The following CNTN5 variants were observed in gnomAD, a reference collection of about 807,000 sequenced individuals.
CNTN5 encodes the protein contactin 5.
CNTN5 carries 77 observed loss-of-function variants against 129.1 expected under a neutral mutation model. The ratio of observed to expected loss-of-function variants is 0.60; its 90% CI spans 0.50 to 0.72. CNTN5 has a LOEUF of 0.72. Ranked by LOEUF, CNTN5 falls within the 30% of genes least tolerant of loss-of-function variation. CNTN5 has a pLI of 0.00. For missense variants in CNTN5, 1,478 were observed against 1,328.8 expected (o/e 1.11, Z -1.75); for synonymous variants, 509 against 465.6 (o/e 1.09, Z -1.20).
At chr11:99,110,113 C>G (rs1489889624) in intron 1 of CNTN5, among the ~76,000 whole-genome samples, 1 of 152,076 alleles carries the variant, frequency 6.6e-6, no homozygotes, top group East Asian at 1.9e-4. Flanking sequence ...GTGCACAGAG[C>G]TTGCCATGAC....
intron 3 of CNTN5, among the ~76,000 whole-genome samples, chr11:99,813,673 A>G (rs1946497142): frequency 6.6e-6 from 1 of 152,158 alleles, no homozygotes. Flanking sequence ...GTGTGCCAAC[A>G]TTGAGGAGAC....
intron 9 of CNTN5, among the ~76,000 whole-genome samples, chr11:100,010,857 C>T (rs1233071114): frequency 6.6e-6 from 1 of 152,082 alleles, no homozygotes; most frequent in African/African-American, 2.4e-5. Context: ...TTCAGTAAGG[C>T]TTACGTCAAA....
intron 3 of CNTN5, among the ~76,000 whole-genome samples, chr11:99,652,858 C>G (rs1482320185): frequency 6.6e-6 from 1 of 152,010 alleles, no homozygotes; most frequent in African/African-American, 2.4e-5. Context: ...TAAACAATCT[C>G]TAACCCTGAA....
intron 6 of CNTN5, among the ~76,000 whole-genome samples, chr11:99,850,508 C>A (rs181765878): frequency 1.5e-4 from 23 of 152,202 alleles, no homozygotes; most frequent in Admixed American, 4.6e-4. Context: ...AGTTTCATTT[C>A]TATTCATTTG....
intron 3 of CNTN5, among the ~76,000 whole-genome samples, chr11:99,700,261 T>A (rs1591498413): frequency 1.3e-5 from 2 of 151,498 alleles, no homozygotes; most frequent in Admixed American, 1.3e-4. Flanking sequence ...AGTAATCTCT[T>A]AAAGTAGAGT....
chr11:99,477,643 T>A (rs1017753970), intron 2 of CNTN5, among the ~76,000 whole-genome samples: 3 of 151,606 alleles, frequency 2.0e-5, no homozygotes, highest in Non-Finnish European at 2.9e-5. Flanking sequence ...AAAATAAAAA[T>A]AATAACCCTT....
intron 3 of CNTN5, among the ~76,000 whole-genome samples, chr11:99,620,027 A>AAAAAAAAAAAAACAAAAAG (rs1555049924): frequency 7.7e-6 from 1 of 129,046 alleles, no homozygotes; most frequent in Admixed American, 8.9e-5. Context: ...CTCCGTCTCA[A>AAAAAAAAAAAAACAAAAAG]AAAAAAAAAA....
chr11:100,039,873 A>C (rs1942270271), intron 9 of CNTN5, among the ~76,000 whole-genome samples: 1 of 151,562 alleles, frequency 6.6e-6, no homozygotes, highest in Non-Finnish European at 1.5e-5. Context: ...CATTCATCTA[A>C]CTTTTTTTCA....
At chr11:99,136,445 A>G (rs891163478) in intron 1 of CNTN5, among the ~76,000 whole-genome samples, 3 of 152,142 alleles carry the variant, frequency 2.0e-5, no homozygotes, top group African/African-American at 7.2e-5. Flanking sequence ...TATTAATAGC[A>G]CCAATTCCAT....
At chr11:99,724,358 G>C (rs1022374573) in intron 3 of CNTN5, among the ~76,000 whole-genome samples, 1 of 152,072 alleles carries the variant, frequency 6.6e-6, no homozygotes, top group African/African-American at 2.4e-5. Flanking sequence ...CATGTCTCAA[G>C]TTCTTCCAGA....
At chr11:99,995,108 A>G (rs1009532147) in intron 8 of CNTN5, among the ~76,000 whole-genome samples, 2 of 152,188 alleles carry the variant, frequency 1.3e-5, no homozygotes, top group African/African-American at 4.8e-5. Context: ...CAAATTTTAG[A>G]CTGGAAAGTA....
rs151231568 is a variant in CNTN5 at position 99,342,984 on chromosome 11, A to G, written c.-71+17500A>G. Among the ~76,000 whole-genome samples, 479 of 152,298 alleles carry G rather than the reference A, an allele frequency of 3.1e-3. 1 individual carries two copies. Among genetic ancestry groups the G allele is most frequent in the African/African-American group, 0.011 (471 of 41,574 alleles). Reference sequence around the variant, plus strand: ...TACAAAACAAAAAACAAAACAAAACAAAACAAAAGACAAAATTTTGTAAAG... The same window carrying G: ...TACAAAACAAAAAACAAAACAAAACGAAACAAAAGACAAAATTTTGTAAAG... On this transcript the variant is annotated intron_variant, in intron 2 of 24. Coordinates refer to ENST00000524871, the MANE Select transcript of CNTN5 (RefSeq NM_014361.4).
chr11:100,260,727 G>C (rs192122401), intron 17 of CNTN5, among the ~76,000 whole-genome samples: 109 of 152,156 alleles, frequency 7.2e-4, no homozygotes, highest in African/African-American at 1.9e-3. Flanking sequence ...CAGAAAAGGA[G>C]TTTAATAAAA....
At chr11:99,323,282 G>A (rs1003518511) in intron 1 of CNTN5, among the ~76,000 whole-genome samples, 11 of 152,116 alleles carry the variant, frequency 7.2e-5, no homozygotes, top group Admixed American at 7.2e-4. Context: ...GACTCTGACT[G>A]CAAATGAAGT....
chr11:99,429,823 A>G (rs1289082537), intron 2 of CNTN5, among the ~76,000 whole-genome samples: 2 of 152,062 alleles, frequency 1.3e-5, no homozygotes, highest in Non-Finnish European at 2.9e-5. Context: ...TTCTTATTTT[A>G]AACACACTGA....
At chr11:99,442,716 T>A (rs1286310324) in intron 2 of CNTN5, among the ~76,000 whole-genome samples, 1 of 152,246 alleles carries the variant, frequency 6.6e-6, no homozygotes, top group Non-Finnish European at 1.5e-5. Flanking sequence ...ATGCTTTAGT[T>A]TCTTTCCCAA....
In CNTN5 at chr11:99,625,913, T is replaced by C. The variant is rs1951111315; in HGVS notation, c.55+69644T>C. On this transcript the variant is annotated intron_variant, in intron 3 of 24. Transcript: ENST00000524871. ...ATAAGGGCAAGATTATATATATATA[T>C]ATATATATATACACACACACACACA... is the stretch of plus-strand genomic sequence containing the variant. Among the ~76,000 whole-genome samples, 4 of 31,738 alleles carry C rather than the reference T, an allele frequency of 1.3e-4. No individual in the cohort carries two copies. In the Admixed American group the frequency reaches 2.1e-3, roughly 17 times the overall value. 20.8% of individuals were successfully genotyped at this position (31,738 alleles called of 152,430 possible).
chr11:99,539,388 G>A (rs897006142), intron 2 of CNTN5, among the ~76,000 whole-genome samples: 1 of 151,844 alleles, frequency 6.6e-6, no homozygotes, highest in African/African-American at 2.4e-5. Flanking sequence ...TTCTCCACAT[G>A]ACCCAAATTA....
intron 1 of CNTN5, among the ~76,000 whole-genome samples, chr11:99,104,249 C>T (rs562371402): frequency 6.6e-6 from 1 of 152,162 alleles, no homozygotes; most frequent in South Asian, 2.1e-4. Context: ...AGCTCACTCA[C>T]CCTGGATGTC....
Sources: allele counts gnomAD v4.1 joint callset (sites outside exome capture counted in the v4.1 genomes callset), GRCh38; gene constraint gnomAD v4.1.1; transcripts MANE v1.5; gene names NCBI Gene and HGNC (gene_info 2026-07-23, HGNC 2026-07-21).